Variants in DCC observed in about 807,000 individuals in gnomAD.
DCC encodes the protein DCC netrin 1 receptor.
Under a neutral mutation model 172.5 loss-of-function variants are expected in DCC, and 58 were observed. The observed-to-expected ratio is 0.34, with a 90% CI of 0.27 to 0.42. The LOEUF (loss-of-function observed/expected upper bound fraction) is 0.42, where lower values mean the gene tolerates loss of function less well. Among genes scored for constraint, DCC ranks in the 10% least tolerant of loss-of-function variants. The probability of loss-of-function intolerance (pLI) is 1.00; values close to 1 mark genes in which losing one functional copy is unlikely to be tolerated. For missense variants in DCC, 1,740 were observed against 1,791.0 expected (o/e 0.97, Z 0.51); for synonymous variants, 709 against 644.5 (o/e 1.10, Z -1.52).
At chr18:53,402,531 T>C (rs1909374505) in intron 18 of DCC, among the ~76,000 whole-genome samples, 1 of 152,216 alleles carries the variant, frequency 6.6e-6, no homozygotes, top group Admixed American at 6.5e-5. Context: ...AGTTGTACTT[T>C]TCTCCTTTAT....
At chr18:53,128,562 A>G (rs150590265) in intron 7 of DCC, among the ~76,000 whole-genome samples, 34 of 152,178 alleles carry the variant, frequency 2.2e-4, no homozygotes, top group African/African-American at 7.7e-4. Context: ...TCAAAGCACC[A>G]TAATGTTAAC....
chr18:53,312,548 T>G (rs1416097013), intron 13 of DCC, among the ~76,000 whole-genome samples: 1 of 151,398 alleles, frequency 6.6e-6, no homozygotes, highest in Non-Finnish European at 1.5e-5. Flanking sequence ...AAGCTTTTAA[T>G]TGGCCGGACG....
At chr18:53,464,560 A>G (rs1223179277) in intron 24 of DCC, among the ~76,000 whole-genome samples, 1 of 152,212 alleles carries the variant, frequency 6.6e-6, no homozygotes, top group African/African-American at 2.4e-5. Context: ...AAAAAAAGTA[A>G]AAGGAAAAAA....
chr18:52,989,196 A>G (rs2041342688), intron 5 of DCC, among the ~76,000 whole-genome samples: 1 of 151,532 alleles, frequency 6.6e-6, no homozygotes, highest in African/African-American at 2.4e-5. Flanking sequence ...AATTTTGACC[A>G]CAATTTTATT....
At chr18:52,571,317 G>A (rs1180931110) in intron 1 of DCC, among the ~76,000 whole-genome samples, 1 of 146,790 alleles carries the variant, frequency 6.8e-6, no homozygotes, top group South Asian at 2.2e-4. Flanking sequence ...TATGGGTGGG[G>A]GAATCACCCT....
chr18:53,450,692 G>T, intron 23 of DCC, 30 bp downstream of exon 23: 1 of 1,571,954 alleles, frequency 6.4e-7, no homozygotes, highest in African/African-American at 1.3e-5. Flanking sequence ...CAAGAGGAAA[G>T]AAGTCATTGT....
At chr18:52,776,779 C>T (rs1324097056) in intron 2 of DCC, among the ~76,000 whole-genome samples, 1 of 152,200 alleles carries the variant, frequency 6.6e-6, no homozygotes, top group Non-Finnish European at 1.5e-5. Context: ...AATCATAAAA[C>T]AATGTTCCTT....
chr18:52,490,839 A>G (rs1302915306), intron 1 of DCC, among the ~76,000 whole-genome samples: 1 of 152,128 alleles, frequency 6.6e-6, no homozygotes, highest in Non-Finnish European at 1.5e-5. Context: ...GACCAATGCT[A>G]AAGCTTACCT....
chr18:53,125,794 T>G (rs923419602), intron 7 of DCC, among the ~76,000 whole-genome samples: 1 of 152,132 alleles, frequency 6.6e-6, no homozygotes, highest in Non-Finnish European at 1.5e-5. Flanking sequence ...ATACTACCAT[T>G]GACTAACTTA....
intron 2 of DCC, among the ~76,000 whole-genome samples, chr18:52,900,019 T>C (rs2039788271): frequency 6.6e-6 from 1 of 152,318 alleles, no homozygotes; most frequent in Non-Finnish European, 1.5e-5. Flanking sequence ...TACAGATTAG[T>C]CTGGACGATG....
chr18:52,481,108 A>G (rs1390147190), intron 1 of DCC, among the ~76,000 whole-genome samples: 3 of 152,366 alleles, frequency 2.0e-5, no homozygotes, highest in East Asian at 1.9e-4. Context: ...GCACAACTAA[A>G]GAAAGCAAAC....
At chr18:53,379,359 G>T (rs1170427293) in intron 15 of DCC, among the ~76,000 whole-genome samples, 2 of 152,254 alleles carry the variant, frequency 1.3e-5, no homozygotes, top group South Asian at 2.1e-4. Flanking sequence ...AGGACTCTGG[G>T]CTGTCAATCT....
At chr18:53,184,692 G>T (rs934835859) in intron 9 of DCC, among the ~76,000 whole-genome samples, 1 of 152,124 alleles carries the variant, frequency 6.6e-6, no homozygotes, top group Admixed American at 6.6e-5. Flanking sequence ...CTAGGCGATA[G>T]AAATTTTTCA....
chr18:53,075,356 C>G (rs921120961), intron 7 of DCC, among the ~76,000 whole-genome samples: 5 of 152,070 alleles, frequency 3.3e-5, no homozygotes, highest in African/African-American at 9.7e-5. Context: ...AGGTAGGAAG[C>G]CAGCTCAGTG....
chr18:53,045,396 T>C (rs986933167), intron 5 of DCC, among the ~76,000 whole-genome samples: 2 of 151,854 alleles, frequency 1.3e-5, no homozygotes, highest in Non-Finnish European at 2.9e-5. Context: ...GGAAGAAGTG[T>C]TTCCTTGAGG....
Position 52,527,735 on chromosome 18 carries a change from G to A in DCC, c.91+186857G>A, listed in dbSNP as rs192087834. 1.3e-4 allele frequency among the ~76,000 whole-genome samples: 20 copies of A among 152,250 alleles called. 1 individual carries two copies. The highest frequency in any genetic ancestry group is 2.6e-4 in the Admixed American group (4 of 15,294). ...TGTTCTATTTCAATTACAAATTCAAGTTGTCCTGAGATTAATTTTGTTCTA... is the reference window on the plus strand; with the variant it reads ...TGTTCTATTTCAATTACAAATTCAAATTGTCCTGAGATTAATTTTGTTCTA... On this transcript the variant is annotated intron_variant, in intron 1 of 28. Coordinates refer to ENST00000442544, the MANE Select transcript of DCC (RefSeq NM_005215.4).
chr18:52,831,389 G>A (rs930326874), intron 2 of DCC, among the ~76,000 whole-genome samples: 1 of 152,122 alleles, frequency 6.6e-6, no homozygotes. Flanking sequence ...ACATCGTTCT[G>A]GCTGCTGTGT....
intron 5 of DCC, among the ~76,000 whole-genome samples, chr18:53,009,834 A>C (rs1331433222): frequency 6.6e-6 from 1 of 151,882 alleles, no homozygotes; most frequent in Admixed American, 6.6e-5. Flanking sequence ...GGCTAACTCA[A>C]TTGGAAAACC....
At chr18:52,811,587 GAA>G (rs5824964) in intron 2 of DCC, among the ~76,000 whole-genome samples, 12,262 of 151,726 alleles carry the variant, frequency 0.081, 617 homozygotes, top group South Asian at 0.19. Flanking sequence ...AGTAACTGGT[GAA>G]AGTTTTATTT....
Sources: allele counts gnomAD v4.1 joint callset (sites outside exome capture counted in the v4.1 genomes callset), GRCh38; gene constraint gnomAD v4.1.1; transcripts MANE v1.5; gene names NCBI Gene and HGNC (gene_info 2026-07-23, HGNC 2026-07-21).